The following NCK1 variants were observed in gnomAD, a reference collection of about 807,000 sequenced individuals.
NCK1 encodes SH2/SH3 adapter protein NCK1.
Under a neutral mutation model 36.6 loss-of-function variants are expected in NCK1, and 19 were observed. That is an observed-to-expected ratio of 0.52 (90% confidence interval 0.36 to 0.76). The LOEUF (loss-of-function observed/expected upper bound fraction) is 0.76. NCK1 is among the 30% of genes least tolerant of loss of function. NCK1 has a pLI of 0.00. For missense variants in NCK1, 358 were observed against 445.6 expected, an observed-to-expected ratio of 0.80 and a Z score of 1.77; for synonymous variants, 165 against 156.0, an observed-to-expected ratio of 1.06 and a Z score of -0.43.
At chr3:136,921,083 C>G (rs564207337) in intron 1 of NCK1, among the ~76,000 whole-genome samples, 13 of 152,266 alleles carry the variant, frequency 8.5e-5, no homozygotes, top group Admixed American at 7.8e-4. Flanking sequence ...TCCCTTATGA[C>G]TCCTCTTCCT....
At chr3:136,878,284 C>T (rs962561343) in intron 1 of NCK1, among the ~76,000 whole-genome samples, 1 of 152,038 alleles carries the variant, frequency 6.6e-6, no homozygotes, top group Non-Finnish European at 1.5e-5. Flanking sequence ...TGGCAGGCAC[C>T]TATAATCCCA....
At chr3:136,926,265 T>TTTA (rs199777441) in intron 1 of NCK1, among the ~76,000 whole-genome samples, 1,770 of 148,392 alleles carry the variant, frequency 0.012, 14 homozygotes, top group Non-Finnish European at 0.017. Flanking sequence ...TATTTTAAAT[T>TTTA]TTATTATTAT....
intron 1 of NCK1, among the ~76,000 whole-genome samples, chr3:136,881,508 C>T (rs576551979): frequency 2.0e-5 from 3 of 152,268 alleles, no homozygotes; most frequent in East Asian, 1.9e-4. Flanking sequence ...TGAGCCACCA[C>T]GCCCAGCTTC....
intron 1 of NCK1, among the ~76,000 whole-genome samples, chr3:136,907,148 C>A (rs1939707619): frequency 6.6e-6 from 1 of 152,156 alleles, no homozygotes; most frequent in East Asian, 1.9e-4. Flanking sequence ...GCTCCTGCTG[C>A]TGCAGCAGCT....
intron 2 of NCK1, among the ~76,000 whole-genome samples, chr3:136,941,116 C>CTTTT (rs34776608): frequency 6.0e-5 from 6 of 100,090 alleles, no homozygotes; most frequent in Admixed American, 2.2e-4. Flanking sequence ...ATTTCTTTTT[C>CTTTT]TTTTTTTTTT....
rs540654021 is a variant in NCK1 at position 136,880,430 on chromosome 3, C to T, written c.-19+18077C>T. Among the ~76,000 whole-genome samples, 26 of 152,178 alleles carry T rather than the reference C, an allele frequency of 1.7e-4. No homozygotes were observed. The South Asian group carries it at 5.2e-3, about 30-fold the overall frequency. On this transcript the variant is annotated intron_variant, in intron 1 of 3. Transcript: ENST00000481752. ...GAGAGATTTTGACACAGAGACAGAACACCAGGGAGAAGATGACTATCTACA... is the reference window on the plus strand; with the variant it reads ...GAGAGATTTTGACACAGAGACAGAATACCAGGGAGAAGATGACTATCTACA...
intron 1 of NCK1, among the ~76,000 whole-genome samples, chr3:136,871,460 C>A (rs12487901): frequency 0.68 from 103,194 of 151,924 alleles, 35,374 homozygotes; most frequent in East Asian, 0.87. Flanking sequence ...GAAAACTGCA[C>A]AAATTTAAAT....
chr3:136,907,508 C>T (rs1939716620), intron 1 of NCK1, among the ~76,000 whole-genome samples: 1 of 152,174 alleles, frequency 6.6e-6, no homozygotes, highest in South Asian at 2.1e-4. Flanking sequence ...TCTCCCATGG[C>T]TAGGATTGTA....
chr3:136,899,440 C>G, intron 1 of NCK1: 2 of 175,942 alleles, frequency 1.1e-5, no homozygotes, highest in East Asian at 1.5e-4. Context: ...TTTTAAATTT[C>G]TTTAACTTTA....
intron 1 of NCK1, among the ~76,000 whole-genome samples, chr3:136,895,611 C>G (rs1478015069): frequency 1.3e-5 from 2 of 152,076 alleles, no homozygotes; most frequent in Admixed American, 6.6e-5. Flanking sequence ...GTTGCCCAGG[C>G]TGGAGTGCAG....
intron 2 of NCK1, among the ~76,000 whole-genome samples, chr3:136,939,805 C>T (rs1940621833): frequency 7.3e-6 from 1 of 136,356 alleles, no homozygotes; most frequent in Non-Finnish European, 1.6e-5. Context: ...AGAAAAGATA[C>T]TTTGTATGAC....
chr3:136,879,856 G>A (rs973637404), intron 1 of NCK1, among the ~76,000 whole-genome samples: 7 of 151,254 alleles, frequency 4.6e-5, no homozygotes, highest in African/African-American at 1.7e-4. Context: ...GTGAGGGGCT[G>A]GGGGAGGGAT....
intron 1 of NCK1, among the ~76,000 whole-genome samples, chr3:136,882,036 C>T (rs1278780109): frequency 6.6e-6 from 1 of 152,104 alleles, no homozygotes; most frequent in African/African-American, 2.4e-5. Flanking sequence ...TTTTGATGTA[C>T]ACCCAGAAGT....
intron 1 of NCK1, among the ~76,000 whole-genome samples, chr3:136,883,514 T>TAAAA (rs1938999493): frequency 6.6e-6 from 1 of 152,230 alleles, no homozygotes; most frequent in South Asian, 2.1e-4. Flanking sequence ...CTGTCCTTTA[T>TAAAA]GGTAGCACTG....
intron 1 of NCK1, among the ~76,000 whole-genome samples, chr3:136,892,198 GT>G (rs1473477744): frequency 3.3e-5 from 5 of 152,110 alleles, no homozygotes; most frequent in Admixed American, 3.3e-4. Context: ...GGATTTTGTT[GT>G]TGTTGTTGTT....
At chr3:136,886,536 G>A (rs1160767510) in intron 1 of NCK1, among the ~76,000 whole-genome samples, 1 of 151,856 alleles carries the variant, frequency 6.6e-6, no homozygotes, top group Admixed American at 6.6e-5. Context: ...TAGTACAGGT[G>A]CTTTTTTTTT....
chr3:136,903,268 C>T (rs867800969), intron 1 of NCK1, among the ~76,000 whole-genome samples: 1 of 152,122 alleles, frequency 6.6e-6, no homozygotes, highest in Middle Eastern at 3.2e-3. Context: ...AGTATAGCTA[C>T]TTCTAGTCAC....
chr3:136,924,141 A>G (rs1164775960), intron 1 of NCK1, among the ~76,000 whole-genome samples: 1 of 152,242 alleles, frequency 6.6e-6, no homozygotes, highest in Admixed American at 6.5e-5. Flanking sequence ...TCAGTGCTAC[A>G]AATCTACCAT....
chr3:136,925,928 T>C (rs976540549), intron 1 of NCK1, among the ~76,000 whole-genome samples: 10 of 152,232 alleles, frequency 6.6e-5, no homozygotes, highest in African/African-American at 2.4e-4. Flanking sequence ...GCGGAGTATC[T>C]GTACCATTTT....
Sources: gnomAD v4.1 joint callset for allele counts (sites outside exome capture counted in the v4.1 genomes callset) on GRCh38, gnomAD v4.1.1 for gene constraint, MANE v1.5 for transcripts, NCBI Gene and HGNC (gene_info 2026-07-23, HGNC 2026-07-21) for gene names.